CHCHD3: variants seen among roughly 807,000 people sequenced by gnomAD.
CHCHD3 encodes MICOS complex subunit MIC19.
CHCHD3 carries 20 observed loss-of-function variants against 38.2 expected under a neutral mutation model. The observed-to-expected ratio is 0.52, with a 90% CI of 0.37 to 0.76. The LOEUF is 0.76. CHCHD3 is among the 30% of genes least tolerant of loss of function. CHCHD3 has a pLI of 0.00. For missense variants in CHCHD3, 245 were observed against 279.2 expected, an observed-to-expected ratio of 0.88 and a Z score of 0.87; for synonymous variants, 82 against 100.0, an observed-to-expected ratio of 0.82 and a Z score of 1.07.
chr7:133,000,092 C>G (rs7783493), intron 3 of CHCHD3, among the ~76,000 whole-genome samples: 6 of 152,068 alleles, frequency 3.9e-5, no homozygotes, highest in African/African-American at 1.4e-4. Context: ...AGAAACAAAA[C>G]TGCTTAAAAA....
intron 4 of CHCHD3, among the ~76,000 whole-genome samples, chr7:132,894,772 T>C (rs1401847684): frequency 6.6e-6 from 1 of 152,228 alleles, no homozygotes; most frequent in Non-Finnish European, 1.5e-5. Context: ...TGTCCTAATG[T>C]CTACGATTTA....
chr7:133,064,381 A>G (rs1814609275), intron 2 of CHCHD3, among the ~76,000 whole-genome samples: 1 of 152,256 alleles, frequency 6.6e-6, no homozygotes, highest in South Asian at 2.1e-4. Flanking sequence ...CAAAAAAAGT[A>G]CACAGTTGAG....
chr7:133,021,019 C>T (rs1445753004), intron 3 of CHCHD3, among the ~76,000 whole-genome samples: 1 of 152,106 alleles, frequency 6.6e-6, no homozygotes, highest in Non-Finnish European at 1.5e-5. Context: ...GAATGTTAAA[C>T]AGCATCCCTG....
intron 2 of CHCHD3, among the ~76,000 whole-genome samples, chr7:133,041,799 A>G (rs185659434): frequency 1.7e-4 from 26 of 152,338 alleles, no homozygotes; most frequent in African/African-American, 5.8e-4. Flanking sequence ...GGCTGTCCCC[A>G]TCTAAGAACC....
intron 2 of CHCHD3, among the ~76,000 whole-genome samples, chr7:133,031,189 T>C (rs1813491648): frequency 6.6e-6 from 1 of 152,038 alleles, no homozygotes; most frequent in Non-Finnish European, 1.5e-5. Flanking sequence ...GTAACATAAG[T>C]TCAATACACA....
chr7:133,053,745 G>C (rs1814234126), intron 2 of CHCHD3, among the ~76,000 whole-genome samples: 1 of 152,204 alleles, frequency 6.6e-6, no homozygotes, highest in Admixed American at 6.5e-5. Flanking sequence ...TGGTGATAAA[G>C]TGTCAGAAAA....
intron 2 of CHCHD3, among the ~76,000 whole-genome samples, chr7:133,040,059 T>A (rs1336810105): frequency 6.6e-6 from 1 of 152,216 alleles, no homozygotes; most frequent in Non-Finnish European, 1.5e-5. Flanking sequence ...GAACCTATAT[T>A]CGACCCCACA....
intron 4 of CHCHD3, among the ~76,000 whole-genome samples, chr7:132,966,470 A>G (rs1811467000): frequency 6.6e-6 from 1 of 152,200 alleles, no homozygotes; most frequent in Non-Finnish European, 1.5e-5. Flanking sequence ...CGGATACAGA[A>G]AAGGAATACA....
At chr7:133,057,748 G>GA (rs1405410060) in intron 2 of CHCHD3, among the ~76,000 whole-genome samples, 17 of 151,910 alleles carry the variant, frequency 1.1e-4, no homozygotes, top group Admixed American at 5.2e-4. Context: ...AATAGGACAG[G>GA]AAAAAATAAT....
At chr7:132,889,303 C>T (rs1809302809) in intron 4 of CHCHD3, among the ~76,000 whole-genome samples, 1 of 151,854 alleles carries the variant, frequency 6.6e-6, no homozygotes, top group Non-Finnish European at 1.5e-5. Flanking sequence ...GGTAATGTTC[C>T]CTTTGTTCAC....
At chr7:133,055,404 T>C (rs1030557754) in intron 2 of CHCHD3, among the ~76,000 whole-genome samples, 1 of 145,080 alleles carries the variant, frequency 6.9e-6, no homozygotes, top group Non-Finnish European at 1.5e-5. Flanking sequence ...ATTATAATAG[T>C]TATGTTATAT....
intron 4 of CHCHD3, among the ~76,000 whole-genome samples, chr7:132,931,063 C>T (rs1446146084): frequency 6.6e-6 from 1 of 152,156 alleles, no homozygotes; most frequent in Non-Finnish European, 1.5e-5. Context: ...ATACAGCACT[C>T]ACCACATAGA....
At chr7:132,799,415 CTT>C (rs1806724104) in intron 6 of CHCHD3, among the ~76,000 whole-genome samples, 1 of 152,168 alleles carries the variant, frequency 6.6e-6, no homozygotes, top group Non-Finnish European at 1.5e-5. Context: ...CAGCAATTGA[CTT>C]TTATTGACTG....
rs1355183391 is a variant in CHCHD3, at chr7:133,082,031, T to C, written c.-94A>G. The C allele has an allele frequency of 1.2e-5, 14 of 1,180,696 alleles. No homozygotes were observed. Among genetic ancestry groups the C allele is most frequent in the African/African-American group, 1.6e-5 (1 of 63,196 alleles). The allele number at this position is 1,180,696 out of a possible 1,614,324, so 73.1% of individuals were successfully genotyped here. A position where few individuals can be genotyped will look rare whatever the true frequency, so the allele number is the denominator to read the frequency against. ...ACGCGCGTGGAAGGGCCTGGATTCT[T>C]TTCCCGCACAGCGGGAGCAAGGCCA... On this transcript the variant is annotated 5_prime_UTR_variant, in exon 1 of 8. Transcript: ENST00000262570.
Position 132,999,289 on chromosome 7 carries a change from C to G in CHCHD3, c.252-24003G>C, listed in dbSNP as rs544466429. 6.6e-5 allele frequency among the ~76,000 whole-genome samples: 10 copies of G among 152,272 alleles called. No individual in the cohort carries two copies. In the Middle Eastern group the frequency reaches 0.01, roughly 155 times the overall value. The stretch of plus-strand genomic sequence containing the variant: ...AATTTAGCATTGTAACATCTCCAAA[C>G]CATTGGTTTTCTCACATGAAGATGG... On this transcript the variant is annotated intron_variant, in intron 3 of 7. Coordinates refer to ENST00000262570, the MANE Select transcript of CHCHD3 (RefSeq NM_017812.4).
intron 6 of CHCHD3, among the ~76,000 whole-genome samples, chr7:132,812,461 G>A (rs982522204): frequency 4.0e-5 from 6 of 151,746 alleles, no homozygotes; most frequent in South Asian, 2.1e-4. Context: ...TACCCATCTC[G>A]GCCTCCCAAA....
At chr7:132,953,371 T>C (rs914062272) in intron 4 of CHCHD3, among the ~76,000 whole-genome samples, 1 of 152,128 alleles carries the variant, frequency 6.6e-6, no homozygotes, top group Non-Finnish European at 1.5e-5. Flanking sequence ...GAACCACAGC[T>C]CCACCACCTT....
chr7:132,960,836 G>C (rs186953709), intron 4 of CHCHD3, among the ~76,000 whole-genome samples: 1 of 152,174 alleles, frequency 6.6e-6, no homozygotes, highest in Admixed American at 6.5e-5. Flanking sequence ...AAATTCACCA[G>C]GTATGGTGGC....
intron 4 of CHCHD3, among the ~76,000 whole-genome samples, chr7:132,927,582 G>C (rs1810406726): frequency 6.6e-6 from 1 of 152,174 alleles, no homozygotes; most frequent in African/African-American, 2.4e-5. Flanking sequence ...AATTTCTAAA[G>C]CATGTGTTAT....
Sources: allele counts gnomAD v4.1 joint callset (sites outside exome capture counted in the v4.1 genomes callset), GRCh38; gene constraint gnomAD v4.1.1; transcripts MANE v1.5; gene names NCBI Gene and HGNC (gene_info 2026-07-23, HGNC 2026-07-21).